KCNQ2: variants seen among roughly 807,000 people sequenced by gnomAD.
The protein encoded by KCNQ2 is potassium voltage-gated channel subfamily KQT member 2.
Under a neutral mutation model 84.8 loss-of-function variants are expected in KCNQ2, and 14 were observed. The observed-to-expected ratio is 0.17, with a 90% CI of 0.11 to 0.26. KCNQ2 has a LOEUF of 0.26. KCNQ2 is among the 10% of genes least tolerant of loss of function. The probability of loss-of-function intolerance (pLI) is 1.00; values close to 1 mark genes in which losing one functional copy is unlikely to be tolerated. For synonymous variants in KCNQ2, 599 were observed against 554.1 expected (o/e 1.08, Z -1.14); for missense variants, 788 against 1,254.0 (o/e 0.63, Z 5.61).
At chr20:63,412,412 G>A (rs937282671) in intron 15 of KCNQ2, among the ~76,000 whole-genome samples, 8 of 152,206 alleles carry the variant, frequency 5.3e-5, no homozygotes, top group East Asian at 1.9e-4. Context: ...ACACGCACAC[G>A]CACACGCAGC....
At chr20:63,466,857 A>G (rs2082095463) in intron 1 of KCNQ2, among the ~76,000 whole-genome samples, 1 of 152,138 alleles carries the variant, frequency 6.6e-6, no homozygotes, top group African/African-American at 2.4e-5. Flanking sequence ...CACAGAGGGG[A>G]GCGGGGCTGC....
chr20:63,419,830 T>C (rs1374767394), intron 11 of KCNQ2, among the ~76,000 whole-genome samples, 158 bp from the exon 12 acceptor site: 1 of 151,278 alleles, frequency 6.6e-6, no homozygotes, highest in African/African-American at 2.4e-5. Context: ...TGCACCATCG[T>C]CTCCACCGTC....
At chr20:63,445,212 G>A in intron 3 of KCNQ2, 26 bp downstream of exon 3, 3 of 1,613,760 alleles carry the variant, frequency 1.9e-6, no homozygotes, top group Non-Finnish European at 1.7e-6. Context: ...CCTGATTCTA[G>A]CAATACCACC....
In KCNQ2 at chr20:63,438,743, C is replaced by A; in HGVS notation, c.928-23G>T. ...GCCCTGCAATTCATCAGGGTCAGGTCACACCCCAGGGACCCCCCACACCCC... is the reference window on the plus strand; with the variant it reads ...GCCCTGCAATTCATCAGGGTCAGGTAACACCCCAGGGACCCCCCACACCCC... On this transcript the variant is annotated intron_variant, in intron 6 of 16. Transcript: ENST00000359125. The surrounding 1 kb of genome is among the most constrained non-coding windows in gnomAD (Gnocchi z 5.1). 6.2e-7 allele frequency: 1 copy of A among 1,607,376 alleles called. No individual in the cohort carries two copies. Among genetic ancestry groups the A allele is most frequent in the Non-Finnish European group, 8.5e-7 (1 of 1,175,434 alleles).
At chr20:63,427,450 C>A (rs2080666260) in intron 10 of KCNQ2, among the ~76,000 whole-genome samples, 1 of 152,236 alleles carries the variant, frequency 6.6e-6, no homozygotes, top group South Asian at 2.1e-4. Flanking sequence ...TGTGCAACGG[C>A]TCCTGTAACT....
chr20:63,455,076 A>G (rs934684090), intron 1 of KCNQ2, among the ~76,000 whole-genome samples: 1 of 152,068 alleles, frequency 6.6e-6, no homozygotes, highest in Admixed American at 6.5e-5. Flanking sequence ...GAAAGAAGAG[A>G]CTTCCTACGG....
At chr20:63,433,969 G>A (rs370994090) in intron 7 of KCNQ2, 66 bp from the exon 8 acceptor site, 1 of 1,435,990 alleles carries the variant, frequency 7.0e-7, no homozygotes, top group Non-Finnish European at 9.8e-7. Flanking sequence ...AGGAGGGCCG[G>A]GCGTGGAGGG....
Position 63,400,576 on chromosome 20 carries a change from C to G in KCNQ2, c.*6068G>C. 2.5e-6 allele frequency: 1 copy of G among 398,592 alleles called. No homozygotes were observed. The highest frequency in any genetic ancestry group is 4.4e-6 in the Non-Finnish European group (1 of 226,026). The allele number at this position is 398,592 out of a possible 1,614,324, so 24.7% of individuals were successfully genotyped here. On this transcript the variant is annotated 3_prime_UTR_variant, in exon 17 of 17. Transcript: ENST00000359125. This position sits in a 1 kb window ranked among gnomAD's most constrained non-coding sequence, Gnocchi z 8.7. ...AAATGGTCAGAAGTGTACGTCGGTA[C>G]TGAAGGCATTATGAAATGTTCTTTG...
rs1434992416 is a variant in KCNQ2, at chr20:63,406,322, G to A, written c.*322C>T. The A allele has an allele frequency of 3.1e-5, 10 of 322,950 alleles. No homozygotes were observed. The highest frequency in any genetic ancestry group is 4.5e-5 in the Admixed American group (1 of 22,080). 20.0% of individuals were successfully genotyped at this position (322,950 alleles called of 1,614,324 possible). The stretch of plus-strand genomic sequence containing the variant: ...CCTGTTGCCACGCTGGCAACACCCC[G>A]TCATCACTCCCGCCCCTCCTCACAC... On this transcript the variant is annotated 3_prime_UTR_variant, in exon 17 of 17. Coordinates refer to ENST00000359125, the MANE Select transcript of KCNQ2 (RefSeq NM_172107.4).
intron 8 of KCNQ2, 135 bp downstream of exon 8, chr20:63,433,674 G>GAACT: frequency 6.5e-7 from 1 of 1,537,920 alleles, no homozygotes; most frequent in Non-Finnish European, 8.9e-7. Context: ...ACCACACACA[G>GAACT]AACTCCTTTG....
At chr20:63,442,625 A>G (rs2081198655) in intron 4 of KCNQ2, 94 bp from the exon 5 acceptor site, 3 of 1,283,922 alleles carry the variant, frequency 2.3e-6, no homozygotes, top group South Asian at 1.2e-5. Flanking sequence ...CAACACCATG[A>G]CCACCATCAC....
At chr20:63,431,267 TG>T in intron 9 of KCNQ2, 72 bp downstream of exon 9, 1 of 1,576,536 alleles carries the variant, frequency 6.3e-7, no homozygotes, top group Non-Finnish European at 8.7e-7. Context: ...TCCAGGGGCT[TG>T]CCCGGTCACA....
chr20:63,459,978 G>A (rs1428856355), intron 1 of KCNQ2: 1 of 152,220 alleles, frequency 6.6e-6, no homozygotes, highest in African/African-American at 2.4e-5. Context: ...GCTGGAATGT[G>A]GACAGGTGCG....
At chr20:63,447,100 A>T (rs1298174699) in intron 1 of KCNQ2, among the ~76,000 whole-genome samples, 1 of 144,406 alleles carries the variant, frequency 6.9e-6, no homozygotes, top group African/African-American at 2.6e-5. Flanking sequence ...TCCAGGACGC[A>T]CCCCCCTCTC....
chr20:63,465,336 G>A (rs1355464305), intron 1 of KCNQ2, among the ~76,000 whole-genome samples: 1 of 152,256 alleles, frequency 6.6e-6, no homozygotes, highest in Non-Finnish European at 1.5e-5. Context: ...AGCTTTCTCA[G>A]GCTAAAGGGG....
At chr20:63,443,355 CCACCATCACCATCAT>C (rs2081303503) in intron 4 of KCNQ2, among the ~76,000 whole-genome samples, 1 of 54,358 alleles carries the variant, frequency 1.8e-5, no homozygotes, top group East Asian at 5.2e-4. Context: ...ACCACCACCA[CCACCATCACCATCAT>C]CACCACCATC....
chr20:63,426,484 G>GTTCTGCCC (rs1235663696), intron 10 of KCNQ2, among the ~76,000 whole-genome samples: 1 of 147,938 alleles, frequency 6.8e-6, no homozygotes, highest in Non-Finnish European at 1.5e-5. Flanking sequence ...TCTTACAGCA[G>GTTCTGCCC]TTCTGCCCTG....
intron 12 of KCNQ2, among the ~76,000 whole-genome samples, chr20:63,415,340 GC>G: frequency 2.3e-5 from 3 of 131,338 alleles, no homozygotes; most frequent in African/African-American, 8.6e-5. Flanking sequence ...CGGGGACCGA[GC>G]ACCCGGTGGG....
chr20:63,462,372 C>CATCT (rs2081979625), intron 1 of KCNQ2, among the ~76,000 whole-genome samples: 1 of 150,928 alleles, frequency 6.6e-6, no homozygotes, highest in African/African-American at 2.5e-5. Flanking sequence ...GAGGAGGCGG[C>CATCT]ACCTACCCCA....
Sources: gnomAD v4.1 joint callset for allele counts (sites outside exome capture counted in the v4.1 genomes callset) on GRCh38, gnomAD v4.1.1 for gene constraint, Gnocchi (gnomAD v3.1) non-coding constraint, MANE v1.5 for transcripts, NCBI Gene and HGNC (gene_info 2026-07-23, HGNC 2026-07-21) for gene names.